The following NAB1 variants were observed in gnomAD, a reference collection of about 807,000 sequenced individuals.
NAB1 encodes the protein NGFI-A binding protein 1.
Under a neutral mutation model 49.9 loss-of-function variants are expected in NAB1, and 25 were observed. That is an observed-to-expected ratio of 0.50 (90% CI 0.37 to 0.70). NAB1 has a LOEUF of 0.70. Ranked by LOEUF, NAB1 falls within the 30% of genes least tolerant of loss-of-function variation. The pLI, the probability that NAB1 is intolerant of heterozygous loss-of-function variation, is 0.00. For synonymous variants in NAB1, 198 were observed against 215.6 expected, an observed-to-expected ratio of 0.92 and a Z score of 0.71; for missense variants, 489 against 575.9, an observed-to-expected ratio of 0.85 and a Z score of 1.54.
rs1175108111 is a variant in NAB1, at chr2:190,654,107, A to G, written c.-196-1870A>G. Among the ~76,000 whole-genome samples the G allele has an allele frequency of 2.6e-5, 4 of 152,218 alleles. No individual in the cohort carries two copies. Among genetic ancestry groups the G allele is most frequent in the Non-Finnish European group, 5.9e-5 (4 of 68,036 alleles). On this transcript the variant is annotated intron_variant, in intron 2 of 9. Transcript: ENST00000337386. The surrounding 1 kb of genome is among the most constrained non-coding windows in gnomAD (Gnocchi z 5.6). Reference sequence around the variant, plus strand: ...AGCAACCTTTCCAGAGATGTTATTCATCATTGAAACTTTGCTAGGAATAAA... The same window carrying G: ...AGCAACCTTTCCAGAGATGTTATTCGTCATTGAAACTTTGCTAGGAATAAA...
chr2:190,685,638 G>T lies in NAB1; in HGVS notation c.1258G>T (p.Gly420Ter). ...GACTTCCGATAACTCAGATGGACAA[G>T]GTACATCTTTAGAATATCCTATGCC... Reference protein sequence around the residue: ...GLTSDNSDGQGERPLNLRMPN... With the variant: ...GLTSDNSDGQ Residue 420 changes from glycine to a stop codon, truncating the protein, a stop_gained and splice_region_variant, in exon 8 of 10, where the codon GGA becomes TGA. Coordinates refer to ENST00000337386, the MANE Select transcript of NAB1 (RefSeq NM_005966.4). LOFTEE classifies it high-confidence loss of function. The surrounding 1 kb of genome is among the most constrained non-coding windows in gnomAD (Gnocchi z 4.5). 6.2e-7 allele frequency: 1 copy of T among 1,601,410 alleles called. No homozygotes were observed. The highest frequency in any genetic ancestry group is 8.5e-7 in the Non-Finnish European group (1 of 1,174,390).
At chr2:190,681,278 G>T (rs1695328406) in intron 6 of NAB1, among the ~76,000 whole-genome samples, 1 of 152,160 alleles carries the variant, frequency 6.6e-6, no homozygotes, top group African/African-American at 2.4e-5. Context: ...ATAGGGACTG[G>T]TATATTGTAG....
At position 190,678,512 on chromosome 2, in the gene NAB1, G is replaced by A. The variant is rs1217556411; in HGVS notation, c.1006-5226G>A. ...CTGAAATTGCTGGAGACTGGGCAGAGATGGGAAATGACAGCATTCTTGACC... is the reference window on the plus strand; with the variant it reads ...CTGAAATTGCTGGAGACTGGGCAGAAATGGGAAATGACAGCATTCTTGACC... On this transcript the variant is annotated intron_variant, in intron 6 of 9. Transcript: ENST00000337386. This position sits in a 1 kb window ranked among gnomAD's most constrained non-coding sequence, Gnocchi z 4.9. Among the ~76,000 whole-genome samples, 1 of 152,246 alleles carries A rather than the reference G, an allele frequency of 6.6e-6. No homozygotes were observed. The highest frequency in any genetic ancestry group is 2.4e-5 in the African/African-American group (1 of 41,468).
Position 190,670,514 on chromosome 2 carries a change from C to T in NAB1, c.953+55C>T, listed in dbSNP as rs532161871. 2.1e-5 allele frequency: 33 copies of T among 1,548,294 alleles called. No homozygotes were observed. The highest frequency in any genetic ancestry group is 1.8e-4 in the African/African-American group (13 of 72,886). On this transcript the variant is annotated intron_variant, in intron 5 of 9. Coordinates refer to ENST00000337386, the MANE Select transcript of NAB1 (RefSeq NM_005966.4). This position sits in a 1 kb window ranked among gnomAD's most constrained non-coding sequence, Gnocchi z 5.3. ...TGCATTGCTTGAGAGAAGTAGAGTT[C>T]GAAACATCATCTATTGATAGAATAT...
chr2:190,676,288 A>G lies in NAB1; in HGVS notation c.1005+3136A>G, dbSNP rs142880641. On this transcript the variant is annotated intron_variant, in intron 6 of 9. Coordinates refer to ENST00000337386, the MANE Select transcript of NAB1 (RefSeq NM_005966.4). The surrounding 1 kb of genome is among the most constrained non-coding windows in gnomAD (Gnocchi z 4.6). ...AAATACTAAGCATGTTCAGAGAACA[A>G]TAAGTTTGTCTAGGGAATGTGATTG... Among the ~76,000 whole-genome samples the G allele has an allele frequency of 3.9e-4, 59 of 152,358 alleles. 1 individual carries two copies. The East Asian group carries it at 0.011, about 29-fold the overall frequency.
rs948856966 is a variant in NAB1, at chr2:190,667,933, G to T, written c.820-2393G>T. The stretch of plus-strand genomic sequence containing the variant: ...AAAAAATCCCATTACATATGATGAA[G>T]AGTTAATGCTGTTAATAAAGAATTC... On this transcript the variant is annotated intron_variant, in intron 4 of 9. Transcript: ENST00000337386. This position sits in a 1 kb window ranked among gnomAD's most constrained non-coding sequence, Gnocchi z 4.4. 9.2e-5 allele frequency among the ~76,000 whole-genome samples: 14 copies of T among 152,066 alleles called. No homozygotes were observed. Among genetic ancestry groups the T allele is most frequent in the African/African-American group, 3.1e-4 (13 of 41,416 alleles).
At position 190,689,523 on chromosome 2, in the gene NAB1, A is replaced by T. The variant is rs1695810367; in HGVS notation, c.1376-722A>T. On this transcript the variant is annotated intron_variant, in intron 9 of 9. Coordinates refer to ENST00000337386, the MANE Select transcript of NAB1 (RefSeq NM_005966.4). The surrounding 1 kb of genome is among the most constrained non-coding windows in gnomAD (Gnocchi z 4.3). ...CAAGGTGTGAGTGTATGTGATGTGG[A>T]TGTTTGCATGTATATGTGTGTGTAC... Among the ~76,000 whole-genome samples, 3 of 152,122 alleles carry T rather than the reference A, an allele frequency of 2.0e-5. No individual in the cohort carries two copies. Among genetic ancestry groups the T allele is most frequent in the Admixed American group, 1.3e-4 (2 of 15,278 alleles).
chr2:190,663,511 A>G lies in NAB1; in HGVS notation c.819+3516A>G, dbSNP rs993555197. Among the ~76,000 whole-genome samples, 9 of 152,230 alleles carry G rather than the reference A, an allele frequency of 5.9e-5. No individual in the cohort carries two copies. Among genetic ancestry groups the G allele is most frequent in the African/African-American group, 2.2e-4 (9 of 41,454 alleles). Reference sequence around the variant, plus strand: ...GATTTTGAGCTACAATGGTGAGTTAAGTAGTTGTGACACAGGCTGTTTGGC... The same window carrying G: ...GATTTTGAGCTACAATGGTGAGTTAGGTAGTTGTGACACAGGCTGTTTGGC... On this transcript the variant is annotated intron_variant, in intron 4 of 9. Transcript: ENST00000337386. The surrounding 1 kb of genome is among the most constrained non-coding windows in gnomAD (Gnocchi z 4.2).
Position 190,684,036 on chromosome 2 carries a change from GCTA to G in NAB1, c.1095+212_1095+214del, listed in dbSNP as rs970078385. ...GTTTATGAACGGAATCTGATATGGT[GCTA>G]CTTATTTATTCTTGTAGTTTTGTAG... On this transcript the variant is annotated intron_variant, in intron 7 of 9. Coordinates refer to ENST00000337386, the MANE Select transcript of NAB1 (RefSeq NM_005966.4). This position sits in a 1 kb window ranked among gnomAD's most constrained non-coding sequence, Gnocchi z 4.6. 6.6e-6 allele frequency among the ~76,000 whole-genome samples: 1 copy of G among 152,154 alleles called. No homozygotes were observed. The highest frequency in any genetic ancestry group is 6.5e-5 in the Admixed American group (1 of 15,274).
At position 190,657,173 on chromosome 2, in the gene NAB1, A is replaced by G. The variant is rs535451716; in HGVS notation, c.-20+1020A>G. Among the ~76,000 whole-genome samples, 1 of 152,302 alleles carries G rather than the reference A, an allele frequency of 6.6e-6. No individual in the cohort carries two copies. Among genetic ancestry groups the G allele is most frequent in the Admixed American group, 6.5e-5 (1 of 15,300 alleles). On this transcript the variant is annotated intron_variant, in intron 3 of 9. Transcript: ENST00000337386. The surrounding 1 kb of genome is among the most constrained non-coding windows in gnomAD (Gnocchi z 4.4). ...TCTATTTGGTATAGTGTAGTTTAAT[A>G]TAGCTCTAAACTTGGGTCTGTAACT...
Position 190,659,929 on chromosome 2 carries a change from A to T in NAB1, c.753A>T (p.Lys251Asn). The change falls in exon 4 of 10, where the codon AAA becomes AAT. Residue 251 changes from lysine to asparagine, a missense_variant. Lys to Asn is a moderately conservative substitution (Grantham distance 94). This residue lies in a region of NAB1 where 204 missense variants were observed against 220.9 expected (regional missense o/e 0.92). Transcript: ENST00000337386. This position sits in a 1 kb window ranked among gnomAD's most constrained non-coding sequence, Gnocchi z 6.2. Reference sequence around the variant, plus strand: ...CACACAAAGAGGAGGAAATTCGGAAATACAGTGCAATATATGGCAGATTTG... The same window carrying T: ...CACACAAAGAGGAGGAAATTCGGAATTACAGTGCAATATATGGCAGATTTG... Reference protein sequence around the residue: ...DDPHKEEEIRKYSAIYGRFDS... With the variant: ...DDPHKEEEIRNYSAIYGRFDS... 1 of 1,614,236 alleles carries T rather than the reference A, an allele frequency of 6.2e-7. No individual in the cohort carries two copies. The highest frequency in any genetic ancestry group is 2.2e-5 in the East Asian group (1 of 44,886).
chr2:190,660,158 A>G (rs1201646540), intron 4 of NAB1, among the ~76,000 whole-genome samples, 163 bp downstream of exon 4: 1 of 152,246 alleles, frequency 6.6e-6, no homozygotes, highest in Non-Finnish European at 1.5e-5. Context: ...AAAATAGACC[A>G]TATTTATTGT....
At chr2:190,664,428 C>G (rs773320138) in intron 4 of NAB1, among the ~76,000 whole-genome samples, 1 of 151,572 alleles carries the variant, frequency 6.6e-6, no homozygotes, top group African/African-American at 2.4e-5. Flanking sequence ...ACTGTATCCT[C>G]GACCTCCCAG....
At chr2:190,653,711 C>T (rs1284063232) in intron 2 of NAB1, 1 of 152,044 alleles carries the variant, frequency 6.6e-6, no homozygotes, top group Non-Finnish European at 1.5e-5. Context: ...TAACTTACAC[C>T]GTGTTTAATT....
At chr2:190,662,407 A>G (rs2125643924) in intron 4 of NAB1, among the ~76,000 whole-genome samples, 1 of 150,732 alleles carries the variant, frequency 6.6e-6, no homozygotes, top group South Asian at 2.1e-4. Context: ...TTTTTAAGCT[A>G]AAGAATCAGC....
chr2:190,691,393 A>G lies in NAB1; in HGVS notation c.*1060A>G, dbSNP rs1307632875. ...CATCCACATCTGTAGGCATATTTCT[A>G]TGGAAGTTTAATTGACAGCTATATT... On this transcript the variant is annotated 3_prime_UTR_variant, in exon 10 of 10. Coordinates refer to ENST00000337386, the MANE Select transcript of NAB1 (RefSeq NM_005966.4). The surrounding 1 kb of genome is among the most constrained non-coding windows in gnomAD (Gnocchi z 4.1). The G allele has an allele frequency of 6.6e-6, 1 of 152,176 alleles. No homozygotes were observed. Among genetic ancestry groups the G allele is most frequent in the Non-Finnish European group, 1.5e-5 (1 of 67,982 alleles). 9.4% of individuals were successfully genotyped at this position (152,176 alleles called of 1,614,324 possible). A position where few individuals can be genotyped will look rare whatever the true frequency, so the allele number is the denominator to read the frequency against.
rs1432004614 is a variant in NAB1, at chr2:190,666,244, C to T, written c.820-4082C>T. Among the ~76,000 whole-genome samples the T allele has an allele frequency of 6.6e-6, 1 of 152,028 alleles. No homozygotes were observed. Among genetic ancestry groups the T allele is most frequent in the Non-Finnish European group, 1.5e-5 (1 of 68,012 alleles). ...TGAGCCTCCCTATCACACAGTTGTTCACAGTGTTTTTGTGCCAACAGTACT... is the reference window on the plus strand; with the variant it reads ...TGAGCCTCCCTATCACACAGTTGTTTACAGTGTTTTTGTGCCAACAGTACT... On this transcript the variant is annotated intron_variant, in intron 4 of 9. Transcript: ENST00000337386. The surrounding 1 kb of genome is among the most constrained non-coding windows in gnomAD (Gnocchi z 5.6).
intron 2 of NAB1, among the ~76,000 whole-genome samples, chr2:190,650,434 G>A (rs1236352003): frequency 6.6e-6 from 1 of 152,186 alleles, no homozygotes; most frequent in African/African-American, 2.4e-5. Flanking sequence ...ATATGAGATT[G>A]CATAGGAACA....
chr2:190,681,207 A>G (rs1414591901), intron 6 of NAB1, among the ~76,000 whole-genome samples: 2 of 152,230 alleles, frequency 1.3e-5, no homozygotes, highest in African/African-American at 4.8e-5. Context: ...TGTAAAAAAA[A>G]GGAAACCCAG....
Sources: allele counts gnomAD v4.1 joint callset (sites outside exome capture counted in the v4.1 genomes callset), GRCh38; gene constraint gnomAD v4.1.1; regional missense constraint gnomAD v4.1.1; non-coding constraint Gnocchi (gnomAD v3.1); transcripts MANE v1.5; gene names NCBI Gene and HGNC (gene_info 2026-07-23, HGNC 2026-07-21).